Variants in SYPL2 observed in about 807,000 individuals in gnomAD.
SYPL2 encodes synaptophysin like 2, also known as synaptophysin-like protein 2.
Under a neutral mutation model 31.3 loss-of-function variants are expected in SYPL2, and 24 were observed. The ratio of observed to expected loss-of-function variants is 0.77; its 90% confidence interval spans 0.56 to 1.08. The LOEUF is 1.08. SYPL2 is among the 50% of genes least tolerant of loss of function. The pLI is 0.00. For synonymous variants in SYPL2, 144 were observed against 143.1 expected (o/e 1.01, Z -0.05); for missense variants, 342 against 360.1 (o/e 0.95, Z 0.41).
At chr1:109,469,302 G>T (rs114579922) in intron 2 of SYPL2, among the ~76,000 whole-genome samples, 76 of 151,834 alleles carry the variant, frequency 5.0e-4, no homozygotes, top group Non-Finnish European at 7.8e-4. Flanking sequence ...AAAAAGCAAA[G>T]ATTTTACTGG....
In SYPL2 at chr1:109,481,791, C is replaced by T. The variant is rs1239676672; in HGVS notation, c.*2243C>T. 1 of 152,306 alleles carries T rather than the reference C, an allele frequency of 6.6e-6. No individual in the cohort carries two copies. Among genetic ancestry groups the T allele is most frequent in the African/African-American group, 2.4e-5 (1 of 41,460 alleles). The allele number at this position is 152,306 out of a possible 1,614,324, so 9.4% of individuals were successfully genotyped here. A position where few individuals can be genotyped will look rare whatever the true frequency, so the allele number is the denominator to read the frequency against. On this transcript the variant is annotated 3_prime_UTR_variant, in exon 6 of 6. Transcript: ENST00000369872. ...ACTTCACCTCATTACCTCCAGAGGGCTGGGCAGGGCCAAGTGCCTCATAGG... is the reference window on the plus strand; with the variant it reads ...ACTTCACCTCATTACCTCCAGAGGGTTGGGCAGGGCCAAGTGCCTCATAGG...
chr1:109,467,175 G>A, intron 2 of SYPL2, 42 bp downstream of exon 2: 1 of 1,510,400 alleles, frequency 6.6e-7, no homozygotes, highest in South Asian at 1.2e-5. Flanking sequence ...GGGAGCCTGG[G>A]CTGTGACGCT....
chr1:109,478,136 C>A lies in SYPL2; in HGVS notation c.648+127C>A. ...TGTCCCCTGCACCTGGAGCTGGTGC[C>A]CTCACTGCGCTTCATGCTGGCTGCT... On this transcript the variant is annotated intron_variant, in intron 5 of 5. Transcript: ENST00000369872. This position sits in a 1 kb window ranked among gnomAD's most constrained non-coding sequence, Gnocchi z 4.0. The A allele has an allele frequency of 6.9e-7, 1 of 1,456,694 alleles. No homozygotes were observed. The allele number at this position is 1,456,694 out of a possible 1,614,324, so 90.2% of individuals were successfully genotyped here. A position where few individuals can be genotyped will look rare whatever the true frequency, so the allele number is the denominator to read the frequency against.
Position 109,480,055 on chromosome 1 carries a change from C to G in SYPL2, c.*507C>G, listed in dbSNP as rs1455147491. ...CTGTCATCTAGTCCCTGCGTCTGAT[C>G]TCCAGTCATCCCATGACTCAGTGTG... is the stretch of plus-strand genomic sequence containing the variant. On this transcript the variant is annotated 3_prime_UTR_variant, in exon 6 of 6. Coordinates refer to ENST00000369872, the MANE Select transcript of SYPL2 (RefSeq NM_001040709.2). 6.4e-6 allele frequency: 1 copy of G among 155,390 alleles called. No individual in the cohort carries two copies. The highest frequency in any genetic ancestry group is 1.4e-5 in the Non-Finnish European group (1 of 70,030). The allele number at this position is 155,390 out of a possible 1,614,324, so 9.6% of individuals were successfully genotyped here. A position where few individuals can be genotyped will look rare whatever the true frequency, so the allele number is the denominator to read the frequency against.
Position 109,479,470 on chromosome 1 carries a change from C to T in SYPL2, c.741C>T (p.Asp247=), listed in dbSNP as rs1291464819. 5.6e-6 allele frequency: 9 copies of T among 1,613,992 alleles called. No homozygotes were observed. Among genetic ancestry groups the T allele is most frequent in the Non-Finnish European group, 6.8e-6 (8 of 1,179,960 alleles). ...GGCATGGACAGGGCCAGGGCCAGGACCAGGACCAGGACCAGGACCAGGGCC... is the reference window on the plus strand; with the variant it reads ...GGCATGGACAGGGCCAGGGCCAGGATCAGGACCAGGACCAGGACCAGGGCC... ...TPWHGQGQGQ[D]QDQDQDQGQG... Residue 247 remains aspartate, a synonymous_variant, in exon 6 of 6, where the codon GAC becomes GAT. Coordinates refer to ENST00000369872, the MANE Select transcript of SYPL2 (RefSeq NM_001040709.2).
Position 109,475,800 on chromosome 1 carries a change from T to TC in SYPL2, c.254+96dup, listed in dbSNP as rs1461857249. On this transcript the variant is annotated intron_variant, in intron 3 of 5. Coordinates refer to ENST00000369872, the MANE Select transcript of SYPL2 (RefSeq NM_001040709.2). ...CCTCCTCCAGAAACCTAAAAACCATTCATTGCGTGCCACTCCAGATTCAAA... is the reference window on the plus strand; with the variant it reads ...CCTCCTCCAGAAACCTAAAAACCATTCCATTGCGTGCCACTCCAGATTCAAA... The TC allele has an allele frequency of 5.3e-6, 8 of 1,503,026 alleles. No individual in the cohort carries two copies. In the East Asian group the frequency reaches 1.8e-4, roughly 35 times the overall value. 93.1% of individuals were successfully genotyped at this position (1,503,026 alleles called of 1,614,324 possible). A position where few individuals can be genotyped will look rare whatever the true frequency, so the allele number is the denominator to read the frequency against.
intron 3 of SYPL2, among the ~76,000 whole-genome samples, chr1:109,476,463 A>G (rs1386364662): frequency 6.6e-6 from 1 of 152,156 alleles, no homozygotes; most frequent in Non-Finnish European, 1.5e-5. Context: ...TACCAGAAAG[A>G]GAAGAACTAC....
chr1:109,468,702 C>A (rs535411492), intron 2 of SYPL2, among the ~76,000 whole-genome samples: 1 of 152,156 alleles, frequency 6.6e-6, no homozygotes, highest in Non-Finnish European at 1.5e-5. Context: ...ATAAGGGAAA[C>A]AATGAGGTTA....
intron 5 of SYPL2, 60 bp from the exon 6 acceptor site, chr1:109,479,318 C>T (rs567101335): frequency 2.5e-6 from 4 of 1,580,456 alleles, no homozygotes; most frequent in Non-Finnish European, 3.5e-6. Context: ...GGAACTCCCC[C>T]TCCCTGTTCC....
At position 109,466,817 on chromosome 1, in the gene SYPL2, G is replaced by A; in HGVS notation, c.-27G>A. On this transcript the variant is annotated 5_prime_UTR_variant, in exon 1 of 6. Transcript: ENST00000369872. ...CCCGGCCAGAGAGCCAAGCCACCAC[G>A]CCGCGCCCAGCGCTCGCCGCGCCAG... 2 of 1,508,882 alleles carry A rather than the reference G, an allele frequency of 1.3e-6. No homozygotes were observed. The highest frequency in any genetic ancestry group is 2.7e-5 in the East Asian group (1 of 37,224). The allele number at this position is 1,508,882 out of a possible 1,614,324, so 93.5% of individuals were successfully genotyped here. A position where few individuals can be genotyped will look rare whatever the true frequency, so the allele number is the denominator to read the frequency against.
At chr1:109,469,426 G>A (rs1655755655) in intron 2 of SYPL2, among the ~76,000 whole-genome samples, 6 of 150,828 alleles carry the variant, frequency 4.0e-5, no homozygotes, top group Admixed American at 4.0e-4. Flanking sequence ...CAATTCTGGA[G>A]TCTCACTAAG....
chr1:109,470,352 C>T (rs1356225325), intron 2 of SYPL2, among the ~76,000 whole-genome samples: 5 of 152,158 alleles, frequency 3.3e-5, no homozygotes, highest in Admixed American at 6.5e-5. Flanking sequence ...ATTTGTCTTC[C>T]TTGTGCTCTG....
At chr1:109,474,008 T>C (rs1452477490) in intron 2 of SYPL2, among the ~76,000 whole-genome samples, 1 of 152,170 alleles carries the variant, frequency 6.6e-6, no homozygotes, top group African/African-American at 2.4e-5. Flanking sequence ...ATACTCCTAG[T>C]TCAGGTCTCC....
intron 4 of SYPL2, among the ~76,000 whole-genome samples, chr1:109,477,541 T>C (rs1362832220): frequency 1.3e-5 from 2 of 151,920 alleles, no homozygotes; most frequent in Non-Finnish European, 2.9e-5. Context: ...CCACTTGGGA[T>C]GAGTGGGTTT....
rs749942774 is a variant in SYPL2, at chr1:109,477,869, G to T, written c.508G>T (p.Ala170Ser). 5.6e-6 allele frequency: 9 copies of T among 1,613,936 alleles called. No individual in the cohort carries two copies. Among genetic ancestry groups the T allele is most frequent in the African/African-American group, 2.7e-5 (2 of 75,080 alleles). Residue 170 changes from alanine (A) to serine (S), a missense_variant, in exon 5 of 6, where the codon GCC (alanine) becomes TCC (serine). By Grantham distance (99) the Ala-to-Ser change is moderately conservative. Coordinates refer to ENST00000369872, the MANE Select transcript of SYPL2 (RefSeq NM_001040709.2). ...CTTCTTCTGGCTGGTAGCTGCAGCT[G>T]CCTGGGGCAAGGGCCTGACCGATGT... ...FTFFWLVAAA[A>S]WGKGLTDVKG...
At chr1:109,472,594 CTTTT>C (rs1240971092) in intron 2 of SYPL2, among the ~76,000 whole-genome samples, 1 of 128,614 alleles carries the variant, frequency 7.8e-6, no homozygotes, top group Non-Finnish European at 1.6e-5. Flanking sequence ...TACCTACTTT[CTTTT>C]TCTTTACTTT....
At chr1:109,473,688 C>T (rs1413267954) in intron 2 of SYPL2, among the ~76,000 whole-genome samples, 2 of 151,928 alleles carry the variant, frequency 1.3e-5, no homozygotes, top group Non-Finnish European at 2.9e-5. Context: ...GTCAGGAGAC[C>T]GAGACCATCC....
intron 3 of SYPL2, among the ~76,000 whole-genome samples, 154 bp downstream of exon 3, chr1:109,475,859 TAGCAATTTCAGACACATTGACCAG>T (rs1228236037): frequency 6.6e-6 from 1 of 152,232 alleles, no homozygotes; most frequent in Admixed American, 6.5e-5. Flanking sequence ...TTCTGCTTTT[TAGCAATTTCAGACACATTGACCAG>T]AGCAAAACGT....
rs570495853 is a variant in SYPL2 at position 109,481,518 on chromosome 1, T to C, written c.*1970T>C. 4 of 152,150 alleles carry C rather than the reference T, an allele frequency of 2.6e-5. No individual in the cohort carries two copies. The South Asian group carries it at 8.3e-4, about 32-fold the overall frequency. The allele number at this position is 152,150 out of a possible 1,614,324, so 9.4% of individuals were successfully genotyped here. A position where few individuals can be genotyped will look rare whatever the true frequency, so the allele number is the denominator to read the frequency against. On this transcript the variant is annotated 3_prime_UTR_variant, in exon 6 of 6. Coordinates refer to ENST00000369872, the MANE Select transcript of SYPL2 (RefSeq NM_001040709.2). Reference sequence around the variant, plus strand: ...GTCTGTATTTATAATTTATTTGAAATGTGCTGGGTAGTGTTCTCATTTGGG... The same window carrying C: ...GTCTGTATTTATAATTTATTTGAAACGTGCTGGGTAGTGTTCTCATTTGGG...
Sources: allele counts gnomAD v4.1 joint callset (sites outside exome capture counted in the v4.1 genomes callset), GRCh38; gene constraint gnomAD v4.1.1; non-coding constraint Gnocchi (gnomAD v3.1); transcripts MANE v1.5; gene names NCBI Gene and HGNC (gene_info 2026-07-23, HGNC 2026-07-21).